AUNIP: variants seen among roughly 807,000 people sequenced by gnomAD.
AUNIP encodes aurora kinase A and ninein interacting protein.
A neutral mutation model predicts 12.2 loss-of-function variants in AUNIP; 16 were observed. The ratio of observed to expected loss-of-function variants is 1.31; its 90% CI spans 0.88 to 1.99. AUNIP has a LOEUF of 1.99. Among genes scored for constraint, AUNIP ranks in the 30% most tolerant of loss-of-function variants. The probability of loss-of-function intolerance (pLI) is 0.00; values close to 1 mark genes in which losing one functional copy is unlikely to be tolerated. For synonymous variants in AUNIP, 142 were observed against 154.8 expected, an observed-to-expected ratio of 0.92 and a Z score of 0.61; for missense variants, 411 against 419.1, an observed-to-expected ratio of 0.98 and a Z score of 0.17.
intron 1 of AUNIP, among the ~76,000 whole-genome samples, chr1:25,853,304 C>T (rs2048436689): frequency 6.6e-6 from 1 of 152,118 alleles, no homozygotes; most frequent in Non-Finnish European, 1.5e-5. Context: ...AAGCTTAAAA[C>T]AATAAACATT....
Position 25,837,514 on chromosome 1 carries a change from AGG to A in AUNIP, c.117_118del (p.Leu40SerfsTer7), listed in dbSNP as rs762902706. ...AATATTAGCCTTTCTTTCTCCAGGA[AGG>A]AGTGTTAGCATTTTGGTGCCTGGTT... On this transcript the variant is annotated frameshift_variant, in exon 2 of 3. Transcript: ENST00000374298. LOFTEE classifies it high-confidence loss of function. 7.0e-4 allele frequency: 1,128 copies of A among 1,613,920 alleles called. No individual in the cohort carries two copies. The highest frequency in any genetic ancestry group is 8.5e-4 in the Non-Finnish European group (1,001 of 1,179,828).
Position 25,837,542 on chromosome 1 carries a change from T to G in AUNIP, c.91A>C (p.Lys31Gln). The G allele has an allele frequency of 6.2e-7, 1 of 1,612,388 alleles. No homozygotes were observed. The highest frequency in any genetic ancestry group is 2.2e-5 in the East Asian group (1 of 44,872). ...AGTGTTAGCATTTTGGTGCCTGGTTTGATTAAATGTGTCTGAGAAAGGAGA... is the reference window on the plus strand; with the variant it reads ...AGTGTTAGCATTTTGGTGCCTGGTTGGATTAAATGTGTCTGAGAAAGGAGA... ...KRRKVQTHLIKPGTKMLTLLP... is the reference protein window; with the variant it reads ...KRRKVQTHLIQPGTKMLTLLP... The change falls in exon 2 of 3, where the codon AAA (lysine) becomes CAA (glutamine). Residue 31 changes from lysine to glutamine, a missense_variant. Physicochemically the swap from Lys to Gln is moderately conservative, Grantham distance 53. Coordinates refer to ENST00000374298, the MANE Select transcript of AUNIP (RefSeq NM_024037.3).
intron 1 of AUNIP, 142 bp from the exon 2 acceptor site, chr1:25,837,696 T>C: frequency 1.3e-6 from 1 of 789,540 alleles, no homozygotes; most frequent in Non-Finnish European, 1.9e-6. Flanking sequence ...AGGTAGTTGG[T>C]GCTGGACATC....
chr1:25,832,015 A>G, downstream of AUNIP: 1 of 1,614,228 alleles, frequency 6.2e-7, no homozygotes, highest in Non-Finnish European at 8.5e-7. Flanking sequence ...TATCAGTAGA[A>G]AAGGAAATTG....
In AUNIP at chr1:25,837,555, C is replaced by G; in HGVS notation, c.79-1G>C. On this transcript the variant is annotated splice_acceptor_variant, in intron 1 of 2. Coordinates refer to ENST00000374298, the MANE Select transcript of AUNIP (RefSeq NM_024037.3). LOFTEE classifies it high-confidence loss of function. ...TGGTGCCTGGTTTGATTAAATGTGT[C>G]TGAGAAAGGAGAGAAAAAAGAATAA... The G allele has an allele frequency of 6.2e-7, 1 of 1,610,802 alleles. No individual in the cohort carries two copies. The highest frequency in any genetic ancestry group is 8.5e-7 in the Non-Finnish European group (1 of 1,178,444).
At position 25,835,658 on chromosome 1, in the gene AUNIP, G is replaced by A; in HGVS notation, c.409C>T (p.Leu137Phe). Residue 137 changes from leucine to phenylalanine, a missense_variant, in exon 3 of 3, where the codon CTC (leucine) becomes TTC (phenylalanine). Leu to Phe is a conservative substitution (Grantham distance 22, BLOSUM62 0). Coordinates refer to ENST00000374298, the MANE Select transcript of AUNIP (RefSeq NM_024037.3). The stretch of plus-strand genomic sequence containing the variant: ...ATTCTGTGGTGGCCAGAAGTCTGGA[G>A]GGACTGAGGAGAGAGTCCAGCTTCC... Reference protein sequence around the residue: ...IQEAGLSPQSLQTSGHHRMKT... With the variant: ...IQEAGLSPQSFQTSGHHRMKT... The A allele has an allele frequency of 6.2e-7, 1 of 1,614,230 alleles. No individual in the cohort carries two copies. Among genetic ancestry groups the A allele is most frequent in the South Asian group, 1.1e-5 (1 of 91,086 alleles).
intron 1 of AUNIP, among the ~76,000 whole-genome samples, chr1:25,854,772 A>G (rs148573388): frequency 1.7e-3 from 260 of 152,228 alleles, no homozygotes; most frequent in African/African-American, 5.6e-3. Flanking sequence ...GAGGTGCGGT[A>G]TCCAATTTCA....
chr1:25,848,802 G>A (rs2048405211), intron 1 of AUNIP, among the ~76,000 whole-genome samples: 1 of 152,218 alleles, frequency 6.6e-6, no homozygotes, highest in African/African-American at 2.4e-5. Context: ...TCCATGATTG[G>A]CAGTACTCTG....
chr1:25,832,659 A>G (rs2048261739), downstream of AUNIP: 1 of 161,466 alleles, frequency 6.2e-6, no homozygotes, highest in East Asian at 1.7e-4. Flanking sequence ...TGAACAACCA[A>G]ATCTACCCTC....
intron 1 of AUNIP, among the ~76,000 whole-genome samples, chr1:25,843,163 AC>A (rs1331771250): frequency 2.2e-5 from 3 of 135,816 alleles, no homozygotes; most frequent in Non-Finnish European, 4.5e-5. Flanking sequence ...GGTGACAGAG[AC>A]CCCATCTCAA....
intron 1 of AUNIP, among the ~76,000 whole-genome samples, chr1:25,845,124 C>T (rs1373066530): frequency 3.3e-5 from 5 of 152,242 alleles, no homozygotes; most frequent in African/African-American, 1.2e-4. Flanking sequence ...ACTGAAAACA[C>T]ACTACCTTAG....
chr1:25,832,153 C>G (rs1359885548), downstream of AUNIP: 2 of 1,568,804 alleles, frequency 1.3e-6, no homozygotes, highest in Non-Finnish European at 1.7e-6. Flanking sequence ...CAAGCTAGAG[C>G]TTGGACTGAA....
chr1:25,837,179 T>C (rs1360179701), intron 2 of AUNIP, among the ~76,000 whole-genome samples: 4 of 152,112 alleles, frequency 2.6e-5, no homozygotes, highest in African/African-American at 9.7e-5. Flanking sequence ...TGTCAGCAAA[T>C]ACAAATATTT....
At chr1:25,843,527 C>G (rs2048360183) in intron 1 of AUNIP, among the ~76,000 whole-genome samples, 1 of 123,758 alleles carries the variant, frequency 8.1e-6, no homozygotes, top group Non-Finnish European at 1.6e-5. Context: ...GAGACTGAGA[C>G]TAAAGGATCA....
intron 1 of AUNIP, among the ~76,000 whole-genome samples, chr1:25,851,848 C>T (rs1000335090): frequency 2.0e-5 from 3 of 152,182 alleles, no homozygotes; most frequent in African/African-American, 7.2e-5. Context: ...GATTCTCCTG[C>T]CTCAGCCTCC....
chr1:25,838,170 G>A (rs997044746), intron 1 of AUNIP, among the ~76,000 whole-genome samples: 2 of 151,536 alleles, frequency 1.3e-5, no homozygotes, highest in African/African-American at 4.9e-5. Flanking sequence ...ATTCTTAGGT[G>A]TCAAATGACA....
intron 2 of AUNIP, among the ~76,000 whole-genome samples, chr1:25,836,903 G>C (rs979869665): frequency 2.6e-5 from 4 of 152,180 alleles, no homozygotes; most frequent in African/African-American, 9.7e-5. Context: ...GGCCCAGCCT[G>C]CTCTGAGTCA....
At chr1:25,850,123 A>G (rs764067211) in intron 1 of AUNIP, among the ~76,000 whole-genome samples, 1 of 152,044 alleles carries the variant, frequency 6.6e-6, no homozygotes, top group Non-Finnish European at 1.5e-5. Context: ...TATATGAATC[A>G]TATCTCAATA....
chr1:25,838,465 T>C (rs2048321024), intron 1 of AUNIP, among the ~76,000 whole-genome samples: 1 of 151,276 alleles, frequency 6.6e-6, no homozygotes, highest in African/African-American at 2.4e-5. Context: ...ATTGTGCCAC[T>C]GCACTCCAGC....
Sources: gnomAD v4.1 joint callset for allele counts (sites outside exome capture counted in the v4.1 genomes callset) on GRCh38, gnomAD v4.1.1 for gene constraint, MANE v1.5 for transcripts, NCBI Gene and HGNC (gene_info 2026-07-23, HGNC 2026-07-21) for gene names.